The following TENM1 variants were observed in gnomAD, a reference collection of about 807,000 sequenced individuals.
TENM1 encodes the protein teneurin transmembrane protein 1, also known as teneurin-1.
Under a neutral mutation model 174.8 loss-of-function variants are expected in TENM1, and 35 were observed. The ratio of observed to expected loss-of-function variants is 0.20; its 90% CI spans 0.15 to 0.27. The LOEUF (loss-of-function observed/expected upper bound fraction) is 0.27. Ranked by LOEUF, TENM1 falls within the 10% of genes least tolerant of loss-of-function variation. The probability of loss-of-function intolerance (pLI) is 1.00; values close to 1 mark genes in which losing one functional copy is unlikely to be tolerated. For synonymous variants in TENM1, 781 were observed against 798.7 expected (o/e 0.98, Z 0.37); for missense variants, 1,633 against 2,130.1 (o/e 0.77, Z 4.59).
intron 3 of TENM1, among the ~76,000 whole-genome samples, chrX:124,759,276 G>A (rs1013948477): frequency 9.0e-6 from 1 of 111,280 alleles, no homozygotes; most frequent in African/African-American, 3.3e-5. Context: ...CCCAAGAATT[G>A]TAGTGTTCTT....
chrX:124,530,035 A>G, intron 15 of TENM1, 52 bp from the exon 19 acceptor site: 1 of 1,168,429 alleles, frequency 8.6e-7, no homozygotes, highest in Non-Finnish European at 1.1e-6. Flanking sequence ...ACTAGATTCT[A>G]GAAGTCAAGT....
At chrX:124,842,797 C>A (rs770388937) in intron 3 of TENM1, among the ~76,000 whole-genome samples, 30 of 110,973 alleles carry the variant, frequency 2.7e-4, no homozygotes, top group Non-Finnish European at 5.3e-4. Flanking sequence ...AGGACTTCAA[C>A]ATATGAGTTT....
intron 1 of TENM1, among the ~76,000 whole-genome samples, chrX:124,952,064 G>A (rs1387102762): frequency 2.7e-5 from 3 of 110,781 alleles, no homozygotes; most frequent in African/African-American, 9.8e-5. Context: ...TAGTCTGAAG[G>A]AAACCAATAA....
the TENM1 span, among the ~76,000 whole-genome samples, chrX:125,121,304 T>A: frequency 3.6e-5 from 4 of 111,399 alleles, no homozygotes; most frequent in African/African-American, 1.3e-4. Context: ...CCATGTGGCA[T>A]CCACACGACA....
chrX:124,893,292 G>A lies in TENM1; in HGVS notation c.535+1004C>T, dbSNP rs192840512. Among the ~76,000 whole-genome samples, 225 of 112,311 alleles carry A rather than the reference G, an allele frequency of 2.0e-3. 2 individuals are homozygous for A. Among genetic ancestry groups the A allele is most frequent in the African/African-American group, 7.0e-3 (217 of 30,998 alleles). ...ATATTGCATACACACATGATCCAAA[G>A]GAGAAAGCAAAGCATACTTGGAAAA... On this transcript the variant is annotated intron_variant, in intron 3 of 31. Coordinates refer to ENST00000422452, the Ensembl canonical transcript of TENM1.
At chrX:124,982,222 T>G in the TENM1 span, among the ~76,000 whole-genome samples, 2 of 84,234 alleles carry the variant, frequency 2.4e-5, no homozygotes, top group Non-Finnish European at 4.4e-5. Context: ...ACTAAGTAGT[T>G]TTTGAAATTA....
intron 22 of TENM1, among the ~76,000 whole-genome samples, chrX:124,468,464 C>T (rs2061264866): frequency 8.9e-6 from 1 of 112,543 alleles, no homozygotes; most frequent in African/African-American, 3.2e-5. Flanking sequence ...GCGTCAGCCA[C>T]CGCGCCCGCG....
intron 3 of TENM1, among the ~76,000 whole-genome samples, chrX:124,751,615 T>A (rs748726364): frequency 6.0e-4 from 63 of 105,504 alleles, no homozygotes; most frequent in African/African-American, 2.0e-3. Flanking sequence ...AGCATTAGGT[T>A]TATCTCCTAA....
At chrX:124,485,137 G>A (rs1329842406) in intron 21 of TENM1, among the ~76,000 whole-genome samples, 1 of 111,611 alleles carries the variant, frequency 9.0e-6, no homozygotes, top group Non-Finnish European at 1.9e-5. Context: ...ATTTATGTAT[G>A]TTAATAATAA....
intron 16 of TENM1, among the ~76,000 whole-genome samples, chrX:124,529,151 C>T (rs2048048478): frequency 9.0e-6 from 1 of 111,627 alleles, no homozygotes; most frequent in Non-Finnish European, 1.9e-5. Flanking sequence ...TTACAGTGTC[C>T]CTGAGAGTCA....
At chrX:124,543,123 A>G (rs759940725) in intron 15 of TENM1, among the ~76,000 whole-genome samples, 1 of 112,364 alleles carries the variant, frequency 8.9e-6, no homozygotes, top group African/African-American at 3.2e-5. Flanking sequence ...TGAGCTAGAA[A>G]GGCATGCCAT....
At chrX:125,060,052 A>C in the TENM1 span, among the ~76,000 whole-genome samples, 2 of 108,237 alleles carry the variant, frequency 1.8e-5, no homozygotes, top group Non-Finnish European at 3.8e-5. Context: ...TGCAACATCA[A>C]CTCTTCCCTG....
At chrX:125,201,504 T>C in the TENM1 span, among the ~76,000 whole-genome samples, 1 of 111,839 alleles carries the variant, frequency 8.9e-6, no homozygotes, top group East Asian at 2.8e-4. Flanking sequence ...ACTTCATGTA[T>C]GCAAAAATAT....
At chrX:124,726,916 T>G (rs750929545) in intron 4 of TENM1, among the ~76,000 whole-genome samples, 5 of 112,392 alleles carry the variant, frequency 4.4e-5, no homozygotes, top group Non-Finnish European at 9.4e-5. Flanking sequence ...TTCCCCAAGA[T>G]AGAAACTAGC....
chrX:124,793,684 C>T (rs188078278), intron 3 of TENM1, among the ~76,000 whole-genome samples: 4 of 111,302 alleles, frequency 3.6e-5, no homozygotes, highest in Admixed American at 1.9e-4. Context: ...AGTGGCCAAA[C>T]GCATATTTCA....
chrX:124,443,042 CTATG>C (rs1417994664), intron 23 of TENM1, among the ~76,000 whole-genome samples: 573 of 42,149 alleles, frequency 0.014, 12 homozygotes, highest in Admixed American at 0.022. Flanking sequence ...GCCTGGATGA[CTATG>C]TGTGTGTGTG....
intron 27 of TENM1, among the ~76,000 whole-genome samples, chrX:124,398,347 T>A (rs2060361792): frequency 9.0e-6 from 1 of 111,329 alleles, no homozygotes; most frequent in African/African-American, 3.3e-5. Flanking sequence ...CACAGATTTT[T>A]TTTTTTATTG....
At chrX:124,559,425 T>A (rs2048763199) in intron 14 of TENM1, among the ~76,000 whole-genome samples, 1 of 111,611 alleles carries the variant, frequency 9.0e-6, no homozygotes, top group Non-Finnish European at 1.9e-5. Flanking sequence ...CCCAGCACTT[T>A]CAGAGGCTGA....
At chrX:124,416,719 A>G (rs1051613186) in intron 25 of TENM1, among the ~76,000 whole-genome samples, 2 of 111,529 alleles carry the variant, frequency 1.8e-5, no homozygotes, top group African/African-American at 6.5e-5. Context: ...TCCTGGAATC[A>G]CCTGTTTTAT....
Sources: gnomAD v4.1 joint callset for allele counts (sites outside exome capture counted in the v4.1 genomes callset) on GRCh38, gnomAD v4.1.1 for gene constraint, MANE v1.5 for transcripts, NCBI Gene and HGNC (gene_info 2026-07-23, HGNC 2026-07-21) for gene names.